Variants in TRHDE observed in about 807,000 individuals in gnomAD.
The protein encoded by TRHDE is thyrotropin-releasing hormone-degrading ectoenzyme.
A neutral mutation model predicts 125.7 loss-of-function variants in TRHDE; 72 were observed. That is an observed-to-expected ratio of 0.57 (90% CI 0.47 to 0.70). TRHDE has a LOEUF of 0.70. TRHDE is among the 30% of genes least tolerant of loss of function. The pLI is 0.00. For missense variants in TRHDE, 1,110 were observed against 1,327.1 expected (o/e 0.84, Z 2.54); for synonymous variants, 509 against 509.1 (o/e 1.00, Z 0.00).
At chr12:72,599,502 C>T (rs2136057351) in intron 12 of TRHDE, among the ~76,000 whole-genome samples, 1 of 152,180 alleles carries the variant, frequency 6.6e-6, no homozygotes, top group South Asian at 2.1e-4. Flanking sequence ...TGTTTCTTGG[C>T]TACTTGTATG....
rs542294008 is a variant in TRHDE at position 72,548,761 on chromosome 12, TG to T, written c.1788+6406del. On this transcript the variant is annotated intron_variant, in intron 7 of 18. Coordinates refer to ENST00000261180, the MANE Select transcript of TRHDE (RefSeq NM_013381.3). ...GTAGCTATTAAAAAAAATTAGTACC[TG>T]TGCTATGGCTTTTTCTTTCAAACAA... is the stretch of plus-strand genomic sequence containing the variant. Among the ~76,000 whole-genome samples the T allele has an allele frequency of 4.3e-3, 653 of 151,914 alleles. 3 individuals carry two copies. Among genetic ancestry groups the T allele is most frequent in the African/African-American group, 0.014 (600 of 41,526 alleles).
chr12:72,510,955 A>T (rs952851251), intron 6 of TRHDE, among the ~76,000 whole-genome samples: 1 of 152,186 alleles, frequency 6.6e-6, no homozygotes, highest in African/African-American at 2.4e-5. Context: ...CTAATATGTG[A>T]ATGGTCGTTA....
At chr12:72,417,098 T>C (rs1873762299) in intron 3 of TRHDE, among the ~76,000 whole-genome samples, 2 of 152,220 alleles carry the variant, frequency 1.3e-5, no homozygotes, top group South Asian at 4.1e-4. Context: ...GTTAAGTTAA[T>C]TCCTGGGTAT....
Position 72,575,538 on chromosome 12 carries a change from G to A in TRHDE, c.2317G>A (p.Ala773Thr). ...AGLIDDAFSL[A>T]RAGYLPQNIP... ...CTTGATCGATGATGCCTTCAGCCTA[G>A]CCAGGTATGTTTTCCTGTGGATCTC... Residue 773 changes from alanine to threonine, a missense_variant, in exon 12 of 19, where the codon GCC (alanine) becomes ACC (threonine). This residue lies in a region of TRHDE where 527 missense variants were observed against 651.8 expected (regional missense o/e 0.81). Transcript: ENST00000261180. 6.2e-7 allele frequency: 1 copy of A among 1,613,544 alleles called. No individual in the cohort carries two copies.
intron 2 of TRHDE, among the ~76,000 whole-genome samples, chr12:72,298,999 C>T (rs1436387055): frequency 2.6e-5 from 4 of 151,952 alleles, no homozygotes; most frequent in Non-Finnish European, 1.5e-5. Flanking sequence ...TGTTGCAGTA[C>T]AGAGAAGAAT....
intron 2 of TRHDE, among the ~76,000 whole-genome samples, chr12:72,154,206 C>T (rs1027451940): frequency 2.0e-5 from 3 of 152,096 alleles, no homozygotes; most frequent in Non-Finnish European, 4.4e-5. Context: ...TTATCAGAGA[C>T]TAGGATTGCA....
chr12:72,114,947 T>G lies in TRHDE; in HGVS notation n.279+9195T>G, dbSNP rs138305257. On this transcript the variant is annotated intron_variant and non_coding_transcript_variant, in intron 2 of 4. Transcript: ENST00000548156. ...AATTTATTATTTTATTTAAAAAAAT[T>G]TCTTATTTTAAAATTTTGTGGGTAT... Among the ~76,000 whole-genome samples, 380 of 152,202 alleles carry G rather than the reference T, an allele frequency of 2.5e-3. 2 individuals are homozygous for G. Among genetic ancestry groups the G allele is most frequent in the African/African-American group, 8.6e-3 (357 of 41,548 alleles).
intron 1 of TRHDE, among the ~76,000 whole-genome samples, chr12:72,094,926 G>A (rs755548367): frequency 3.3e-5 from 5 of 152,184 alleles, no homozygotes; most frequent in Non-Finnish European, 7.3e-5. Context: ...GTTCATGGAT[G>A]GCTGTGAAAC....
At chr12:72,358,375 A>C (rs1870916622) in intron 2 of TRHDE, among the ~76,000 whole-genome samples, 1 of 151,612 alleles carries the variant, frequency 6.6e-6, no homozygotes, top group Admixed American at 6.6e-5. Context: ...CCACTAAATA[A>C]ATAGTAAATA....
chr12:72,550,642 C>T (rs936225245), intron 7 of TRHDE, among the ~76,000 whole-genome samples: 1 of 151,654 alleles, frequency 6.6e-6, no homozygotes, highest in African/African-American at 2.4e-5. Context: ...TCGCTTTGTC[C>T]ATGTTTGTGA....
intron 12 of TRHDE, among the ~76,000 whole-genome samples, chr12:72,577,994 C>T (rs1292313982): frequency 3.3e-5 from 5 of 152,102 alleles, no homozygotes; most frequent in African/African-American, 9.7e-5. Flanking sequence ...TCTGGTCTTA[C>T]TTGGAGTTAA....
chr12:72,383,365 ATTTAATTTTTTTTTTTT>A (rs1872269569), intron 3 of TRHDE, among the ~76,000 whole-genome samples: 1 of 140,018 alleles, frequency 7.1e-6, no homozygotes, highest in Non-Finnish European at 1.5e-5. Context: ...ATTCCAACCC[ATTTAATTTTTTTTTTTT>A]TTTTTTTTTT....
chr12:72,306,725 A>G (rs1358151119), intron 2 of TRHDE: 4 of 152,200 alleles, frequency 2.6e-5, no homozygotes, highest in African/African-American at 4.8e-5. Context: ...TGAAGCTTAC[A>G]TTGTTTCTAT....
intron 5 of TRHDE, among the ~76,000 whole-genome samples, chr12:72,484,239 GA>G (rs1209858563): frequency 6.6e-6 from 1 of 152,048 alleles, no homozygotes; most frequent in African/African-American, 2.4e-5. Context: ...GGATAAGTAT[GA>G]AAAAAGATTA....
At chr12:72,328,149 G>T (rs917122315) in intron 2 of TRHDE, among the ~76,000 whole-genome samples, 3 of 152,132 alleles carry the variant, frequency 2.0e-5, no homozygotes, top group African/African-American at 4.8e-5. Flanking sequence ...GGCCTGAAAA[G>T]TCCATTCTGA....
chr12:72,552,334 GT>G (rs1869717669), intron 7 of TRHDE, among the ~76,000 whole-genome samples: 1 of 152,168 alleles, frequency 6.6e-6, no homozygotes, highest in South Asian at 2.1e-4. Flanking sequence ...GATCTGAAAT[GT>G]TTTTTAATGG....
At chr12:72,628,535 G>C (rs151087276) in intron 15 of TRHDE, among the ~76,000 whole-genome samples, 16 of 151,890 alleles carry the variant, frequency 1.1e-4, no homozygotes, top group East Asian at 7.8e-4. Context: ...AATTTAATCA[G>C]TTTGTTTTGT....
chr12:72,629,184 T>C (rs1873376352), intron 15 of TRHDE, among the ~76,000 whole-genome samples: 1 of 151,910 alleles, frequency 6.6e-6, no homozygotes, highest in Non-Finnish European at 1.5e-5. Flanking sequence ...GAAATAATCA[T>C]ACACTTGTAT....
intron 2 of TRHDE, among the ~76,000 whole-genome samples, chr12:72,359,746 A>C (rs532458451): frequency 6.6e-6 from 1 of 151,810 alleles, no homozygotes; most frequent in Admixed American, 6.6e-5. Flanking sequence ...CAGTGCTAGC[A>C]ACATTTACAA....
Sources: allele counts gnomAD v4.1 joint callset (sites outside exome capture counted in the v4.1 genomes callset), GRCh38; gene constraint gnomAD v4.1.1; regional missense constraint gnomAD v4.1.1; transcripts MANE v1.5; gene names NCBI Gene and HGNC (gene_info 2026-07-23, HGNC 2026-07-21).